H3-3B: variants seen among roughly 807,000 people sequenced by gnomAD.
H3-3B encodes histone H3.3.
Under a neutral mutation model 13.1 loss-of-function variants are expected in H3-3B, and 2 were observed. The ratio of observed to expected loss-of-function variants is 0.15; its 90% CI spans 0.06 to 0.48. The LOEUF (loss-of-function observed/expected upper bound fraction) is 0.48. Ranked by LOEUF, H3-3B falls within the 20% of genes least tolerant of loss-of-function variation. The pLI is 0.97. For missense variants in H3-3B, 39 were observed against 186.0 expected (o/e 0.21, Z 4.60); for synonymous variants, 133 against 75.8 (o/e 1.76, Z -3.92).
chr17:75,779,348 C>T, intron 1 of H3-3B, 164 bp from the exon 2 acceptor site: 1 of 656,646 alleles, frequency 1.5e-6, no homozygotes, highest in African/African-American at 1.9e-5. Context: ...CTCCCCCTCC[C>T]CTAATGACTC....
Position 75,778,819 on chromosome 17 carries a change from A to C in H3-3B, c.273T>G (p.Gly91=), listed in dbSNP as rs755829204. 2 of 1,614,100 alleles carry C rather than the reference A, an allele frequency of 1.2e-6. No individual in the cohort carries two copies. The highest frequency in any genetic ancestry group is 2.2e-5 in the South Asian group (2 of 91,080). ...TDLRFQSAAI[G]ALQEASEAYL... ...CAGGCCTTTGTCTTACCTGCAGCGC[A>C]CCGATGGCTGCGCTCTGAAACCTCA... Residue 91 remains glycine (G), a synonymous_variant, in exon 3 of 4, where the codon GGT becomes GGG. Transcript: ENST00000254810.
intron 2 of H3-3B, 29 bp from the exon 3 acceptor site, chr17:75,778,992 A>G (rs1599343744): frequency 1.2e-6 from 2 of 1,613,228 alleles, no homozygotes; most frequent in East Asian, 4.5e-5. Flanking sequence ...GAGTGAGCGG[A>G]CGCTGCCGCA....
Position 75,778,098 on chromosome 17 carries a change from T to C in H3-3B, c.*497A>G, listed in dbSNP as rs1258216051. Reference sequence around the variant, plus strand: ...AGCTATTATAAATGCACATAGTGTATTCTATAGCTGCCAGGTTTACTTTTT... The same window carrying C: ...AGCTATTATAAATGCACATAGTGTACTCTATAGCTGCCAGGTTTACTTTTT... On this transcript the variant is annotated 3_prime_UTR_variant, in exon 4 of 4. Coordinates refer to ENST00000254810, the MANE Select transcript of H3-3B (RefSeq NM_005324.5). 1 of 153,238 alleles carries C rather than the reference T, an allele frequency of 6.5e-6. No homozygotes were observed. Among genetic ancestry groups the C allele is most frequent in the African/African-American group, 2.4e-5 (1 of 41,264 alleles). The allele number at this position is 153,238 out of a possible 1,614,324, so 9.5% of individuals were successfully genotyped here. A position where few individuals can be genotyped will look rare whatever the true frequency, so the allele number is the denominator to read the frequency against.
At chr17:75,779,242 C>A (rs1169922874) in intron 1 of H3-3B, 58 bp from the exon 2 acceptor site, 33 of 1,412,968 alleles carry the variant, frequency 2.3e-5, no homozygotes, top group Non-Finnish European at 3.1e-5. Flanking sequence ...CCCCCCAGGG[C>A]TGCGGGGGGA....
At chr17:75,779,361 G>A in intron 1 of H3-3B, 177 bp from the exon 2 acceptor site, 2 of 545,962 alleles carry the variant, frequency 3.7e-6, no homozygotes, top group Non-Finnish European at 5.5e-6. Flanking sequence ...AATGACTCAG[G>A]CTGCGAGGAG....
intron 3 of H3-3B, 38 bp from the exon 4 acceptor site, chr17:75,778,761 G>A (rs1300348652): frequency 2.5e-6 from 4 of 1,614,096 alleles, no homozygotes; most frequent in Non-Finnish European, 1.7e-6. Context: ...ATCCCACTCG[G>A]GGAGCGGAAA....
rs1323071179 is a variant in H3-3B at position 75,776,861 on chromosome 17, T to C, written c.*1734A>G. On this transcript the variant is annotated 3_prime_UTR_variant, in exon 4 of 4. Transcript: ENST00000254810. Reference sequence around the variant, plus strand: ...TTCTGAAGCACAGTGAGGAATCAAGTGTGCTTGTTCCAGAGCTGATTATGA... The same window carrying C: ...TTCTGAAGCACAGTGAGGAATCAAGCGTGCTTGTTCCAGAGCTGATTATGA... The C allele has an allele frequency of 6.6e-6, 1 of 152,210 alleles. No homozygotes were observed. The highest frequency in any genetic ancestry group is 2.4e-5 in the African/African-American group (1 of 41,448). 9.4% of individuals were successfully genotyped at this position (152,210 alleles called of 1,614,324 possible).
At position 75,778,390 on chromosome 17, in the gene H3-3B, A is replaced by G. The variant is rs2061649457; in HGVS notation, c.*205T>C. The G allele has an allele frequency of 3.1e-6, 2 of 636,156 alleles. No homozygotes were observed. Among genetic ancestry groups the G allele is most frequent in the Non-Finnish European group, 5.3e-6 (2 of 375,440 alleles). 39.4% of individuals were successfully genotyped at this position (636,156 alleles called of 1,614,324 possible). ...GAAGTATCACCCATCCCTTCTGCAT[A>G]TTAGCAACTTGTCACTCCTGAGCAA... On this transcript the variant is annotated 3_prime_UTR_variant, in exon 4 of 4. Coordinates refer to ENST00000254810, the MANE Select transcript of H3-3B (RefSeq NM_005324.5).
intron 1 of H3-3B, chr17:75,779,406 G>A (rs1210378281): frequency 5.1e-6 from 2 of 390,618 alleles, no homozygotes; most frequent in Non-Finnish European, 8.8e-6. Flanking sequence ...GCGCGGGGAG[G>A]AGTCACTTCC....
Position 75,778,322 on chromosome 17 carries a change from C to T in H3-3B, c.*273G>A, listed in dbSNP as rs2143629153. The T allele has an allele frequency of 4.4e-6, 2 of 449,666 alleles. No homozygotes were observed. Among genetic ancestry groups the T allele is most frequent in the East Asian group, 8.5e-5 (2 of 23,528 alleles). The allele number at this position is 449,666 out of a possible 1,614,324, so 27.9% of individuals were successfully genotyped here. A position where few individuals can be genotyped will look rare whatever the true frequency, so the allele number is the denominator to read the frequency against. Reference sequence around the variant, plus strand: ...CAACTCTAGTACCTTAATAGCTACCCAACAAGTCATTAACATACAGAAACA... The same window carrying T: ...CAACTCTAGTACCTTAATAGCTACCTAACAAGTCATTAACATACAGAAACA... On this transcript the variant is annotated 3_prime_UTR_variant, in exon 4 of 4. Transcript: ENST00000254810.
intron 1 of H3-3B, 90 bp from the exon 2 acceptor site, chr17:75,779,274 G>C: frequency 7.9e-7 from 1 of 1,266,358 alleles, no homozygotes; most frequent in South Asian, 2.7e-5. Flanking sequence ...TGGCCCCACC[G>C]CCGGGCCTCC....
chr17:75,776,651 G>A lies in H3-3B; in HGVS notation c.*1944C>T, dbSNP rs1241255174. On this transcript the variant is annotated 3_prime_UTR_variant, in exon 4 of 4. Transcript: ENST00000254810. Reference sequence around the variant, plus strand: ...AAGTCACTGCTTCGGCAGATTGCAAGCTGCCCAATATAATCTAAGAGCCTT... The same window carrying A: ...AAGTCACTGCTTCGGCAGATTGCAAACTGCCCAATATAATCTAAGAGCCTT... 1 of 152,230 alleles carries A rather than the reference G, an allele frequency of 6.6e-6. No homozygotes were observed. Among genetic ancestry groups the A allele is most frequent in the African/African-American group, 2.4e-5 (1 of 41,450 alleles). The allele number at this position is 152,230 out of a possible 1,614,324, so 9.4% of individuals were successfully genotyped here. A position where few individuals can be genotyped will look rare whatever the true frequency, so the allele number is the denominator to read the frequency against.
intron 2 of H3-3B, 40 bp from the exon 3 acceptor site, chr17:75,779,003 C>A: frequency 6.2e-7 from 1 of 1,612,714 alleles, no homozygotes; most frequent in Admixed American, 1.7e-5. Flanking sequence ...CGCTGCCGCA[C>A]AAAGCCGGCC....
At chr17:75,778,762 G>C (rs372492941) in intron 3 of H3-3B, 39 bp from the exon 4 acceptor site, 1 of 1,614,106 alleles carries the variant, frequency 6.2e-7, no homozygotes, top group Non-Finnish European at 8.5e-7. Flanking sequence ...TCCCACTCGG[G>C]GAGCGGAAAC....
chr17:75,779,446 C>G (rs902401787), intron 1 of H3-3B: 8 of 301,076 alleles, frequency 2.7e-5, no homozygotes, highest in Non-Finnish European at 4.9e-5. Context: ...CCCGACTGCC[C>G]GGAACCCGGC....
In H3-3B at chr17:75,777,468, C is replaced by G. The variant is rs78740696; in HGVS notation, c.*1127G>C. 6.6e-6 allele frequency: 1 copy of G among 152,616 alleles called. No individual in the cohort carries two copies. Among genetic ancestry groups the G allele is most frequent in the East Asian group, 1.9e-4 (1 of 5,206 alleles). The allele number at this position is 152,616 out of a possible 1,614,324, so 9.5% of individuals were successfully genotyped here. A position where few individuals can be genotyped will look rare whatever the true frequency, so the allele number is the denominator to read the frequency against. On this transcript the variant is annotated 3_prime_UTR_variant, in exon 4 of 4. Coordinates refer to ENST00000254810, the MANE Select transcript of H3-3B (RefSeq NM_005324.5). ...GGTTTTGGACACTTAGTTGGATAAACAAGTTTATTTGTAAATTTAGTCAAC... is the reference window on the plus strand; with the variant it reads ...GGTTTTGGACACTTAGTTGGATAAAGAAGTTTATTTGTAAATTTAGTCAAC...
rs1180345676 is a variant in H3-3B, at chr17:75,779,061, C to T, written c.114G>A (p.Lys38=). 2 of 1,605,918 alleles carry T rather than the reference C, an allele frequency of 1.2e-6. No individual in the cohort carries two copies. Among genetic ancestry groups the T allele is most frequent in the African/African-American group, 2.7e-5 (2 of 74,332 alleles). ...GCCCGACCTACCTGTAGCGATGAGG[C>T]TTCTTCACCCCGCCGGTAGAGGGAG... ...KSAPSTGGVK[K]PHRYRPGTVA... The change falls in exon 2 of 4, where the codon AAG becomes AAA. Residue 38 remains lysine, a synonymous_variant. Transcript: ENST00000254810.
chr17:75,779,300 C>A, intron 1 of H3-3B, 116 bp from the exon 2 acceptor site: 1 of 1,171,368 alleles, frequency 8.5e-7, no homozygotes, highest in South Asian at 2.9e-5. Context: ...CCCCGCGCCC[C>A]ACCTCGCGGC....
rs754901721 is a variant in H3-3B, at chr17:75,778,798, C to A, written c.282+12G>T. 7 of 1,614,152 alleles carry A rather than the reference C, an allele frequency of 4.3e-6. No individual in the cohort carries two copies. In the East Asian group the frequency reaches 1.1e-4, roughly 26 times the overall value. ...CGCCCAGCCCTCCCCCGGCTCCAGGCCTTTGTCTTACCTGCAGCGCACCGA... is the reference window on the plus strand; with the variant it reads ...CGCCCAGCCCTCCCCCGGCTCCAGGACTTTGTCTTACCTGCAGCGCACCGA... On this transcript the variant is annotated intron_variant, in intron 3 of 3. Transcript: ENST00000254810.
Sources: allele counts gnomAD v4.1 joint callset, GRCh38; gene constraint gnomAD v4.1.1; transcripts MANE v1.5; gene names NCBI Gene and HGNC (gene_info 2026-07-23, HGNC 2026-07-21).